The following PCLO variants were observed in gnomAD, a reference collection of about 807,000 sequenced individuals.
PCLO encodes protein piccolo.
In PCLO, 82 loss-of-function variants were observed where a neutral mutation model predicts 427.5. That is an observed-to-expected ratio of 0.19 (90% CI 0.16 to 0.23). The LOEUF (loss-of-function observed/expected upper bound fraction) is 0.23. PCLO is among the 10% of genes least tolerant of loss of function. The probability of loss-of-function intolerance (pLI) is 1.00; values close to 1 mark genes in which losing one functional copy is unlikely to be tolerated. For missense variants in PCLO, 6,239 were observed against 6,115.9 expected, an observed-to-expected ratio of 1.02 and a Z score of -0.67; for synonymous variants, 2,357 against 2,155.4, an observed-to-expected ratio of 1.09 and a Z score of -2.59.
chr7:82,975,067 G>A (rs750321768), intron 3 of PCLO, among the ~76,000 whole-genome samples: 6 of 152,098 alleles, frequency 3.9e-5, no homozygotes, highest in South Asian at 2.1e-4. Context: ...GTGAGCCACC[G>A]TGCCCAGCAG....
rs769009009 is a variant in PCLO at position 82,955,046 on chromosome 7, T to C, written c.5907A>G (p.Val1969=). The change falls in exon 5 of 25, where the codon GTA becomes GTG. Residue 1969 remains valine (V), a synonymous_variant. Coordinates refer to ENST00000333891, the MANE Select transcript of PCLO (RefSeq NM_033026.6). ...SLVEDTYNGS[V]DGSLLTRQEE... Reference sequence around the variant, plus strand: ...CTTGCCTTGTTAGCAGACTGCCATCTACCGATCCATTGTACGTGTCTTCTA... The same window carrying C: ...CTTGCCTTGTTAGCAGACTGCCATCCACCGATCCATTGTACGTGTCTTCTA... 1.2e-6 allele frequency: 2 copies of C among 1,613,858 alleles called. No individual in the cohort carries two copies. The highest frequency in any genetic ancestry group is 3.3e-5 in the Admixed American group (2 of 60,010).
chr7:82,919,372 A>G (rs1364717529), intron 6 of PCLO, among the ~76,000 whole-genome samples: 1 of 152,018 alleles, frequency 6.6e-6, no homozygotes, highest in Non-Finnish European at 1.5e-5. Context: ...GAATGTGTTG[A>G]CCTGAGAATT....
At chr7:82,864,475 T>G (rs548005543) in intron 10 of PCLO, among the ~76,000 whole-genome samples, 1 of 152,278 alleles carries the variant, frequency 6.6e-6, no homozygotes, top group African/African-American at 2.4e-5. Flanking sequence ...GTGGAAGGCT[T>G]ACAGCTAAAA....
intron 2 of PCLO, among the ~76,000 whole-genome samples, chr7:83,151,823 C>T (rs550004496): frequency 4.3e-4 from 65 of 152,206 alleles, no homozygotes; most frequent in South Asian, 1.0e-3. Flanking sequence ...CTGGGTGATC[C>T]TCACAACTAA....
intron 3 of PCLO, among the ~76,000 whole-genome samples, chr7:83,128,958 G>A (rs867871609): frequency 6.6e-6 from 1 of 151,912 alleles, no homozygotes. Flanking sequence ...TTATTCCAAG[G>A]GCCCCAAATG....
chr7:83,084,832 C>G (rs909811989), intron 3 of PCLO, among the ~76,000 whole-genome samples: 1 of 152,132 alleles, frequency 6.6e-6, no homozygotes. Context: ...TGCTTTCAAG[C>G]CTCCACCTGT....
At chr7:82,789,464 G>A (rs1439088584) in intron 22 of PCLO, among the ~76,000 whole-genome samples, 1 of 152,138 alleles carries the variant, frequency 6.6e-6, no homozygotes, top group Non-Finnish European at 1.5e-5. Context: ...CCAGCATTTT[G>A]GGAGACTGAG....
intron 3 of PCLO, among the ~76,000 whole-genome samples, chr7:83,077,623 C>T (rs1227353376): frequency 6.6e-6 from 1 of 152,004 alleles, no homozygotes; most frequent in South Asian, 2.1e-4. Context: ...GTAATAAAGG[C>T]AATCAGGTCT....
intron 5 of PCLO, 106 bp downstream of exon 5, chr7:82,951,750 G>T: frequency 6.9e-7 from 1 of 1,451,056 alleles, no homozygotes; most frequent in African/African-American, 1.4e-5. Context: ...CAAAGAAAGA[G>T]AAAAAGTAAC....
intron 6 of PCLO, among the ~76,000 whole-genome samples, chr7:82,928,290 C>G (rs2116327808): frequency 6.6e-6 from 1 of 152,202 alleles, no homozygotes; most frequent in East Asian, 1.9e-4. Flanking sequence ...GCAACTAAAG[C>G]CACTACTACA....
intron 6 of PCLO, 52 bp downstream of exon 6, chr7:82,949,424 A>C: frequency 7.3e-7 from 1 of 1,376,594 alleles, no homozygotes; most frequent in Non-Finnish European, 1.0e-6. Flanking sequence ...GTCTGAAAAC[A>C]CATGATTAAT....
chr7:83,086,111 T>G (rs138139306), intron 3 of PCLO, among the ~76,000 whole-genome samples: 1 of 111,354 alleles, frequency 9.0e-6, no homozygotes, highest in African/African-American at 3.4e-5. Context: ...TCTTTCCTTT[T>G]TTTTTCTTTT....
chr7:83,146,437 A>G (rs1791995336), intron 2 of PCLO, among the ~76,000 whole-genome samples: 1 of 152,182 alleles, frequency 6.6e-6, no homozygotes, highest in Non-Finnish European at 1.5e-5. Context: ...TGGAGCTTAT[A>G]TTTATCTAAA....
chr7:83,162,378 G>A lies in PCLO; in HGVS notation c.215C>T (p.Pro72Leu), dbSNP rs1304077171. The change falls in exon 1 of 25, where the codon CCC becomes CTC. Residue 72 changes from proline to leucine, a missense_variant. By Grantham distance (98) the Pro-to-Leu change is moderately conservative (BLOSUM62 -3). This residue lies in a region of PCLO where 4,677 missense variants were observed against 4,468.4 expected (regional missense o/e 1.05). Coordinates refer to ENST00000333891, the MANE Select transcript of PCLO (RefSeq NM_033026.6). Reference protein sequence around the residue: ...RAQGLPKGSVPPAAAESPSMH... With the variant: ...RAQGLPKGSVLPAAAESPSMH... ...GGAAGGCGACTCCGCAGCGGCCGGGGGGACGCTTCCCTTGGGCAGCCCCTG... is the reference window on the plus strand; with the variant it reads ...GGAAGGCGACTCCGCAGCGGCCGGGAGGACGCTTCCCTTGGGCAGCCCCTG... 1.2e-6 allele frequency: 2 copies of A among 1,600,494 alleles called. No homozygotes were observed. Among genetic ancestry groups the A allele is most frequent in the Non-Finnish European group, 1.7e-6 (2 of 1,173,572 alleles).
chr7:82,970,212 T>C lies in PCLO; in HGVS notation c.3301-3725A>G, dbSNP rs78613910. ...TGCTTAGCTGTAAGGTAATGGAAGA[T>C]AAAGTTGAAGAGGCAAGTTGAGATT... On this transcript the variant is annotated intron_variant, in intron 3 of 24. Coordinates refer to ENST00000333891, the MANE Select transcript of PCLO (RefSeq NM_033026.6). Among the ~76,000 whole-genome samples the C allele has an allele frequency of 6.4e-3, 967 of 152,164 alleles. 14 individuals carry two copies. Among genetic ancestry groups the C allele is most frequent in the African/African-American group, 0.022 (907 of 41,568 alleles).
intron 22 of PCLO, among the ~76,000 whole-genome samples, chr7:82,796,799 A>T (rs1791232902): frequency 6.8e-6 from 1 of 147,510 alleles, no homozygotes; most frequent in Non-Finnish European, 1.5e-5. Context: ...CTGCTGATGA[A>T]ATAGAACCAG....
chr7:83,019,435 T>C (rs893702481), intron 3 of PCLO, among the ~76,000 whole-genome samples: 1 of 150,464 alleles, frequency 6.6e-6, no homozygotes, highest in East Asian at 1.9e-4. Context: ...AATCATAAGT[T>C]TTTTTTTTAA....
rs931136242 is a variant in PCLO, at chr7:83,124,370, A to G, written c.3300+9880T>C. 5.3e-5 allele frequency among the ~76,000 whole-genome samples: 8 copies of G among 152,006 alleles called. No homozygotes were observed. In the East Asian group the frequency reaches 7.7e-4, roughly 15 times the overall value. On this transcript the variant is annotated intron_variant, in intron 3 of 24. Transcript: ENST00000333891. ...CTCCGTCTCAAAAAAAAAAAAAAAA[A>G]AGAGAAAGTAAACATACAAATGTCC...
At chr7:82,784,760 G>T (rs1394496741) in intron 22 of PCLO, among the ~76,000 whole-genome samples, 1 of 152,028 alleles carries the variant, frequency 6.6e-6, no homozygotes, top group Non-Finnish European at 1.5e-5. Flanking sequence ...TATTTATTCT[G>T]AACTAAAATA....
Sources: allele counts gnomAD v4.1 joint callset (sites outside exome capture counted in the v4.1 genomes callset), GRCh38; gene constraint gnomAD v4.1.1; regional missense constraint gnomAD v4.1.1; transcripts MANE v1.5; gene names NCBI Gene and HGNC (gene_info 2026-07-23, HGNC 2026-07-21).